The following PCSK6 variants were observed in gnomAD, a reference collection of about 807,000 sequenced individuals.
PCSK6 encodes proprotein convertase subtilisin/kexin type 6.
Under a neutral mutation model 123.3 loss-of-function variants are expected in PCSK6, and 85 were observed. The ratio of observed to expected loss-of-function variants is 0.69; its 90% CI spans 0.58 to 0.83. PCSK6 has a LOEUF of 0.83. PCSK6 is among the 40% of genes least tolerant of loss of function. The probability of loss-of-function intolerance (pLI) is 0.00; values close to 1 mark genes in which losing one functional copy is unlikely to be tolerated. For missense variants in PCSK6, 1,191 were observed against 1,282.3 expected (o/e 0.93, Z 1.09); for synonymous variants, 508 against 516.0 (o/e 0.98, Z 0.21).
chr15:101,447,942 G>A (rs909489284), intron 1 of PCSK6, among the ~76,000 whole-genome samples: 10 of 152,226 alleles, frequency 6.6e-5, no homozygotes, highest in Non-Finnish European at 1.0e-4. Context: ...TTATAGAAGG[G>A]AGGCGCTGCC....
At chr15:101,352,636 C>T (rs1023758446) in intron 13 of PCSK6, among the ~76,000 whole-genome samples, 2 of 152,318 alleles carry the variant, frequency 1.3e-5, no homozygotes, top group African/African-American at 2.4e-5. Flanking sequence ...TTCCCTTGAT[C>T]GGTCTATTCC....
chr15:101,391,807 T>TG (rs1277318896), intron 8 of PCSK6, among the ~76,000 whole-genome samples: 46 of 89,956 alleles, frequency 5.1e-4, no homozygotes, highest in African/African-American at 2.3e-3. Flanking sequence ...ATAACACCCC[T>TG]CCTGTCAGAG....
intron 13 of PCSK6, among the ~76,000 whole-genome samples, chr15:101,348,586 T>G (rs2040806266): frequency 6.6e-6 from 1 of 152,194 alleles, no homozygotes; most frequent in African/African-American, 2.4e-5. Flanking sequence ...AAGAAACACT[T>G]CTTGGTGTTT....
chr15:101,475,198 G>A (rs1020446015), intron 1 of PCSK6, among the ~76,000 whole-genome samples: 5 of 152,158 alleles, frequency 3.3e-5, no homozygotes, highest in African/African-American at 1.2e-4. Context: ...ATTTTAGGTG[G>A]GGACTTTGTC....
rs1008454279 is a variant in PCSK6 at position 101,370,515 on chromosome 15, G to A, written c.1541C>T (p.Pro514Leu). The A allele has an allele frequency of 1.3e-6, 2 of 1,499,108 alleles. No homozygotes were observed. The highest frequency in any genetic ancestry group is 2.2e-5 in the Admixed American group (1 of 45,464). 92.9% of individuals were successfully genotyped at this position (1,499,108 alleles called of 1,614,324 possible). ...AASDKRPRSI[P>L]LVQVLRTTAL... ...CGTAGTCCGCAGCACCTGCACTAAG[G>A]GGATGCTCCTGGGGGAGAAGGGAGG... The change falls in exon 12 of 22, where the codon CCC (proline) becomes CTC (leucine). Residue 514 changes from proline (P) to leucine (L), a missense_variant. Pro to Leu is a moderately conservative substitution (Grantham distance 98). Around this residue, in one of 3 missense-constraint regions of PCSK6, gnomAD observed 630 missense variants for 631.4 expected, o/e 1.00. Coordinates refer to ENST00000611716, the MANE Select transcript of PCSK6 (RefSeq NM_002570.5).
chr15:101,305,648 C>T lies in PCSK6; in HGVS notation c.2813-293G>A. 3.1e-6 allele frequency: 1 copy of T among 322,202 alleles called. No individual in the cohort carries two copies. Among genetic ancestry groups the T allele is most frequent in the Admixed American group, 4.2e-5 (1 of 23,778 alleles). The allele number at this position is 322,202 out of a possible 1,614,324, so 20.0% of individuals were successfully genotyped here. On this transcript the variant is annotated intron_variant, in intron 21 of 21. Transcript: ENST00000611716. This position sits in a 1 kb window ranked among gnomAD's most constrained non-coding sequence, Gnocchi z 4.8. ...ACCTGAACCCAGGAGGCAGAGGTTG[C>T]AGTGAGCTGAGATCATGCCACTGCA... is the stretch of plus-strand genomic sequence containing the variant.
At chr15:101,326,977 C>T (rs922546773) in intron 15 of PCSK6, among the ~76,000 whole-genome samples, 9 of 152,144 alleles carry the variant, frequency 5.9e-5, no homozygotes, top group Non-Finnish European at 1.2e-4. Flanking sequence ...CCCCCCGCAA[C>T]TCGCTGTGGT....
intron 12 of PCSK6, among the ~76,000 whole-genome samples, chr15:101,369,900 C>T (rs1288906499): frequency 2.0e-5 from 3 of 152,194 alleles, no homozygotes; most frequent in East Asian, 3.9e-4. Context: ...TGCAGGGCAG[C>T]CCACGACTGG....
intron 15 of PCSK6, among the ~76,000 whole-genome samples, chr15:101,328,906 G>A (rs1380203140): frequency 3.3e-5 from 5 of 152,190 alleles, no homozygotes; most frequent in Non-Finnish European, 5.9e-5. Context: ...TGCTGTCCAC[G>A]TGGTCCCAAT....
intron 20 of PCSK6, among the ~76,000 whole-genome samples, chr15:101,310,411 C>T (rs2141333923): frequency 6.6e-6 from 1 of 152,342 alleles, no homozygotes; most frequent in Admixed American, 6.5e-5. Flanking sequence ...CAGCTGTGGG[C>T]ATGATCAGCA....
chr15:101,335,117 G>A (rs952174839), intron 13 of PCSK6, among the ~76,000 whole-genome samples: 4 of 152,050 alleles, frequency 2.6e-5, no homozygotes, highest in Non-Finnish European at 4.4e-5. Flanking sequence ...GCACCACCAC[G>A]CCCGGCTACT....
chr15:101,427,098 C>T (rs527780997), intron 6 of PCSK6, among the ~76,000 whole-genome samples: 3 of 152,270 alleles, frequency 2.0e-5, no homozygotes, highest in South Asian at 2.1e-4. Context: ...GCCGGGCTCC[C>T]GTGGGGAATA....
At chr15:101,487,053 G>A (rs1045147580) in intron 1 of PCSK6, among the ~76,000 whole-genome samples, 8 of 152,152 alleles carry the variant, frequency 5.3e-5, no homozygotes, top group Admixed American at 2.0e-4. Context: ...AAATTCTCCT[G>A]GCTGAAAAAA....
At chr15:101,341,225 C>G (rs2040598253) in intron 13 of PCSK6, among the ~76,000 whole-genome samples, 1 of 148,650 alleles carries the variant, frequency 6.7e-6, no homozygotes, top group African/African-American at 2.5e-5. Flanking sequence ...GTGAGCCGCA[C>G]CGCGCCTGGC....
intron 1 of PCSK6, among the ~76,000 whole-genome samples, chr15:101,475,418 GCA>G (rs1249330845): frequency 4.6e-5 from 7 of 152,256 alleles, no homozygotes; most frequent in African/African-American, 1.7e-4. Flanking sequence ...GAAAAAATGG[GCA>G]AAGAATATAA....
chr15:101,408,337 T>A (rs1445868243), intron 6 of PCSK6, among the ~76,000 whole-genome samples: 1 of 152,228 alleles, frequency 6.6e-6, no homozygotes, highest in Non-Finnish European at 1.5e-5. Context: ...TGCTTCTTTC[T>A]TATGTACACC....
intron 1 of PCSK6, 117 bp downstream of exon 1, chr15:101,489,257 G>T: frequency 1.6e-6 from 1 of 627,840 alleles, no homozygotes; most frequent in Non-Finnish European, 1.9e-6. Flanking sequence ...CGGTCCCGGA[G>T]CCTTCCCACG....
chr15:101,384,469 C>T (rs146791437), intron 9 of PCSK6, 44 bp from the exon 10 acceptor site: 19,487 of 1,549,994 alleles, frequency 0.013, 193 homozygotes, highest in South Asian at 0.027. Context: ...AGCTCAACAA[C>T]GGCAGCCACA....
chr15:101,421,187 C>G (rs2056073260), intron 6 of PCSK6, among the ~76,000 whole-genome samples: 1 of 152,196 alleles, frequency 6.6e-6, no homozygotes, highest in Non-Finnish European at 1.5e-5. Flanking sequence ...CTCAGGTGAT[C>G]TGCTCACCTC....
Sources: allele counts gnomAD v4.1 joint callset (sites outside exome capture counted in the v4.1 genomes callset), GRCh38; gene constraint gnomAD v4.1.1; regional missense constraint gnomAD v4.1.1; non-coding constraint Gnocchi (gnomAD v3.1); transcripts MANE v1.5; gene names NCBI Gene and HGNC (gene_info 2026-07-23, HGNC 2026-07-21).